NFIA: variants seen among roughly 807,000 people sequenced by gnomAD.
NFIA encodes the protein nuclear factor I A, also known as nuclear factor 1 A-type.
A neutral mutation model predicts 62.8 loss-of-function variants in NFIA; 8 were observed. That is an observed-to-expected ratio of 0.13 (90% confidence interval 0.07 to 0.23). The LOEUF (loss-of-function observed/expected upper bound fraction) is 0.23, where lower values mean the gene tolerates loss of function less well. Among genes scored for constraint, NFIA ranks in the 10% least tolerant of loss-of-function variants. The pLI, the probability that NFIA is intolerant of heterozygous loss-of-function variation, is 1.00. For synonymous variants in NFIA, 235 were observed against 238.1 expected (o/e 0.99, Z 0.12); for missense variants, 410 against 642.1 (o/e 0.64, Z 3.91).
intron 2 of NFIA, among the ~76,000 whole-genome samples, chr1:61,269,278 A>C (rs1472072296): frequency 6.6e-6 from 1 of 152,156 alleles, no homozygotes; most frequent in Non-Finnish European, 1.5e-5. Context: ...CAAATATTTT[A>C]ATAATAGAAT....
chr1:61,130,187 T>C (rs1647049615), intron 2 of NFIA, among the ~76,000 whole-genome samples: 1 of 152,216 alleles, frequency 6.6e-6, no homozygotes, highest in African/African-American at 2.4e-5. Flanking sequence ...GTTTTGGTTA[T>C]TCAGGTAGGA....
At chr1:61,345,159 T>C (rs2100417652) in intron 4 of NFIA, among the ~76,000 whole-genome samples, 1 of 152,318 alleles carries the variant, frequency 6.6e-6, no homozygotes, top group South Asian at 2.1e-4. Flanking sequence ...AAAGTTAACC[T>C]TTTGAGAAAA....
chr1:61,337,359 C>T (rs1355402898), intron 4 of NFIA, among the ~76,000 whole-genome samples: 15 of 151,852 alleles, frequency 9.9e-5, no homozygotes. Context: ...CCACGAAAGG[C>T]AAGAATGGAA....
chr1:61,373,927 A>C, intron 6 of NFIA, among the ~76,000 whole-genome samples: 1 of 152,186 alleles, frequency 6.6e-6, no homozygotes, highest in East Asian at 1.9e-4. Flanking sequence ...GTCCAATAGA[A>C]TTTTCTGCAG....
intron 2 of NFIA, among the ~76,000 whole-genome samples, chr1:61,193,152 A>G (rs780288702): frequency 1.8e-4 from 27 of 152,196 alleles, no homozygotes; most frequent in Non-Finnish European, 3.5e-4. Context: ...TCCAAAACCT[A>G]TCAAAGTTGG....
chr1:61,105,085 C>T (rs1238768552), intron 2 of NFIA, among the ~76,000 whole-genome samples: 1 of 151,946 alleles, frequency 6.6e-6, no homozygotes, highest in Non-Finnish European at 1.5e-5. Flanking sequence ...TAGGGTCATC[C>T]TATTATAACT....
intron 2 of NFIA, among the ~76,000 whole-genome samples, chr1:61,145,660 C>T (rs1012106577): frequency 1.3e-5 from 2 of 152,016 alleles, no homozygotes; most frequent in African/African-American, 4.8e-5. Context: ...AGGTGTTGAG[C>T]CTAGGGTGGT....
chr1:61,229,150 G>A (rs1387487493), intron 2 of NFIA, among the ~76,000 whole-genome samples: 3 of 150,352 alleles, frequency 2.0e-5, no homozygotes, highest in South Asian at 2.1e-4. Flanking sequence ...AAAAAGCAAC[G>A]TAATTTTTTC....
chr1:61,337,665 C>T (rs1441134566), intron 4 of NFIA, among the ~76,000 whole-genome samples: 1 of 152,180 alleles, frequency 6.6e-6, no homozygotes, highest in Admixed American at 6.5e-5. Context: ...TGAAATGGCT[C>T]TTACATGATG....
chr1:61,381,674 G>A (rs1278610723), intron 6 of NFIA, among the ~76,000 whole-genome samples: 1 of 152,142 alleles, frequency 6.6e-6, no homozygotes, highest in East Asian at 1.9e-4. Context: ...TATTCATGAA[G>A]CTACAGATAA....
chr1:61,198,468 G>A (rs1039092682), intron 2 of NFIA, among the ~76,000 whole-genome samples: 5 of 152,192 alleles, frequency 3.3e-5, no homozygotes, highest in African/African-American at 1.2e-4. Flanking sequence ...GGGTGATTTA[G>A]TGTGAAAGTA....
intron 2 of NFIA, among the ~76,000 whole-genome samples, chr1:61,110,255 C>CT (rs34192655): frequency 0.15 from 21,294 of 143,670 alleles, 1,543 homozygotes; most frequent in Non-Finnish European, 0.17. Flanking sequence ...TACTTGTTCA[C>CT]TTTTTTTTTT....
At chr1:61,414,133 C>G (rs953804275) in intron 9 of NFIA, among the ~76,000 whole-genome samples, 10 of 152,066 alleles carry the variant, frequency 6.6e-5, no homozygotes, top group Non-Finnish European at 1.5e-4. Flanking sequence ...CAGGTGCGCA[C>G]CACCACTTCC....
intron 2 of NFIA, among the ~76,000 whole-genome samples, chr1:61,257,896 T>C (rs1393446144): frequency 6.6e-6 from 1 of 150,694 alleles, no homozygotes; most frequent in African/African-American, 2.4e-5. Context: ...TTTTTTTTTT[T>C]TCCTGAGACA....
chr1:61,407,009 AT>A (rs774001124), intron 9 of NFIA, among the ~76,000 whole-genome samples: 2 of 152,130 alleles, frequency 1.3e-5, no homozygotes, highest in African/African-American at 2.4e-5. Context: ...TATTTGAGGG[AT>A]TTCAAATGCT....
rs142775185 is a variant in NFIA, at chr1:61,307,274, C to T, written c.626-25238C>T. Among the ~76,000 whole-genome samples, 177 of 152,290 alleles carry T rather than the reference C, an allele frequency of 1.2e-3. 1 individual carries two copies. Among genetic ancestry groups the T allele is most frequent in the Middle Eastern group, 6.8e-3 (2 of 294 alleles). On this transcript the variant is annotated intron_variant, in intron 3 of 10. Coordinates refer to ENST00000403491, the MANE Select transcript of NFIA (RefSeq NM_001134673.4). ...GAGGCTAGAACCCTCTTGAATGGAA[C>T]TAGTGCTCTTATAAAGAGAACACAG...
At chr1:61,273,085 G>A (rs1225076364) in intron 2 of NFIA, among the ~76,000 whole-genome samples, 1 of 152,180 alleles carries the variant, frequency 6.6e-6, no homozygotes, top group Admixed American at 6.5e-5. Context: ...GACCAGGAAT[G>A]ACATCGGTTT....
chr1:61,084,664 C>T (rs1646186575), intron 1 of NFIA, among the ~76,000 whole-genome samples: 1 of 152,012 alleles, frequency 6.6e-6, no homozygotes, highest in African/African-American at 2.4e-5. Context: ...CAGCGAGCTG[C>T]AATAAAGGGA....
At chr1:61,357,995 A>C (rs1013462490) in intron 5 of NFIA, among the ~76,000 whole-genome samples, 4 of 152,052 alleles carry the variant, frequency 2.6e-5, no homozygotes, top group Admixed American at 2.6e-4. Context: ...TGAAGCCTCA[A>C]ACTGGGGAGA....
Sources: gnomAD v4.1 joint callset for allele counts (sites outside exome capture counted in the v4.1 genomes callset) on GRCh38, gnomAD v4.1.1 for gene constraint, MANE v1.5 for transcripts, NCBI Gene and HGNC (gene_info 2026-07-23, HGNC 2026-07-21) for gene names.